The following HSD17B12 variants were observed in gnomAD, a reference collection of about 807,000 sequenced individuals.
HSD17B12 encodes hydroxysteroid 17-beta dehydrogenase 12.
HSD17B12 carries 32 observed loss-of-function variants against 39.3 expected under a neutral mutation model. That is an observed-to-expected ratio of 0.81 (90% CI 0.61 to 1.09). The LOEUF is 1.09. Ranked by LOEUF, HSD17B12 falls within the 50% of genes least tolerant of loss-of-function variation. The pLI is 0.00. For synonymous variants in HSD17B12, 150 were observed against 146.7 expected (o/e 1.02, Z -0.16); for missense variants, 342 against 382.9 (o/e 0.89, Z 0.89).
intron 3 of HSD17B12, among the ~76,000 whole-genome samples, chr11:43,770,703 C>G (rs1021442625): frequency 1.3e-5 from 2 of 152,184 alleles, no homozygotes; most frequent in African/African-American, 2.4e-5. Flanking sequence ...TCACTGCGCT[C>G]CAGCCTGGGT....
chr11:43,714,243 T>C (rs1005757684), intron 1 of HSD17B12, among the ~76,000 whole-genome samples: 6 of 152,246 alleles, frequency 3.9e-5, no homozygotes, highest in Non-Finnish European at 5.9e-5. Context: ...CTTCTAGGGT[T>C]TTTATAGTTT....
At chr11:43,839,656 G>T (rs1951405741) in intron 8 of HSD17B12, among the ~76,000 whole-genome samples, 1 of 152,026 alleles carries the variant, frequency 6.6e-6, no homozygotes, top group African/African-American at 2.4e-5. Flanking sequence ...TATTTGAGTG[G>T]CAAGTGGAGA....
chr11:43,647,198 T>A, the HSD17B12 span, among the ~76,000 whole-genome samples: 3 of 151,962 alleles, frequency 2.0e-5, no homozygotes, highest in East Asian at 5.8e-4. Context: ...ACAGAGTGTA[T>A]CTGTTTGGGG....
chr11:43,568,543 T>C, the HSD17B12 span, among the ~76,000 whole-genome samples: 2 of 152,200 alleles, frequency 1.3e-5, no homozygotes, highest in Non-Finnish European at 2.9e-5. Flanking sequence ...AGAGTTTCCA[T>C]GACAGAAGTG....
chr11:43,629,892 ATG>A, the HSD17B12 span, among the ~76,000 whole-genome samples: 1 of 152,218 alleles, frequency 6.6e-6, no homozygotes, highest in East Asian at 1.9e-4. Context: ...TCCAAACAAC[ATG>A]TGTTTGTTTC....
At chr11:43,734,470 G>T in intron 1 of HSD17B12, 2 of 675,462 alleles carry the variant, frequency 3.0e-6, no homozygotes, top group Non-Finnish European at 5.4e-6. Context: ...AGCTGTGTAA[G>T]CTGGAAGTCG....
the HSD17B12 span, among the ~76,000 whole-genome samples, chr11:43,595,164 A>G: frequency 6.6e-6 from 1 of 152,238 alleles, no homozygotes; most frequent in Non-Finnish European, 1.5e-5. Context: ...GAAGAGTCAA[A>G]GGGCTCCATG....
the HSD17B12 span, among the ~76,000 whole-genome samples, chr11:43,657,228 G>A: frequency 6.6e-6 from 1 of 152,122 alleles, no homozygotes; most frequent in Non-Finnish European, 1.5e-5. Context: ...TGCAACCCCT[G>A]CCTTTTTTTG....
chr11:43,776,732 G>T (rs1950708627), intron 3 of HSD17B12, among the ~76,000 whole-genome samples: 1 of 152,152 alleles, frequency 6.6e-6, no homozygotes, highest in Admixed American at 6.5e-5. Flanking sequence ...GGTTTTTACG[G>T]TTTTAGGTCT....
At chr11:43,574,758 A>G in the HSD17B12 span, among the ~76,000 whole-genome samples, 1 of 152,182 alleles carries the variant, frequency 6.6e-6, no homozygotes, top group African/African-American at 2.4e-5. Flanking sequence ...CATTATTTTA[A>G]GCAGAAAAAA....
chr11:43,826,784 T>C (rs1951246309), intron 6 of HSD17B12, among the ~76,000 whole-genome samples: 1 of 152,230 alleles, frequency 6.6e-6, no homozygotes, highest in Admixed American at 6.5e-5. Flanking sequence ...TGTTCTTTTT[T>C]ACCGCGGTGC....
At chr11:43,609,123 T>A in the HSD17B12 span, among the ~76,000 whole-genome samples, 1 of 151,566 alleles carries the variant, frequency 6.6e-6, no homozygotes, top group African/African-American at 2.4e-5. Context: ...TGTTTTTTGT[T>A]AGGACCAATT....
At chr11:43,755,938 G>A (rs1259461314) in intron 3 of HSD17B12, among the ~76,000 whole-genome samples, 1 of 152,190 alleles carries the variant, frequency 6.6e-6, no homozygotes, top group Admixed American at 6.5e-5. Context: ...CATGGCGGAA[G>A]GTGAAAGGCA....
the HSD17B12 span, chr11:43,569,197 A>T: frequency 6.6e-6 from 1 of 152,164 alleles, no homozygotes; most frequent in Non-Finnish European, 1.5e-5. Flanking sequence ...ACACAGTGGG[A>T]CAGTGGCTAC....
intron 9 of HSD17B12, among the ~76,000 whole-genome samples, chr11:43,851,601 G>C (rs1192702373): frequency 1.3e-5 from 2 of 151,970 alleles, no homozygotes; most frequent in Non-Finnish European, 1.5e-5. Flanking sequence ...TCAACTTCTT[G>C]GTGTAATTAA....
chr11:43,827,768 A>C (rs1951259801), intron 6 of HSD17B12, among the ~76,000 whole-genome samples: 1 of 152,192 alleles, frequency 6.6e-6, no homozygotes, highest in South Asian at 2.1e-4. Context: ...TATAAGCGAA[A>C]TAAGCCTCTT....
chr11:43,657,412 G>T, the HSD17B12 span, among the ~76,000 whole-genome samples: 1 of 152,148 alleles, frequency 6.6e-6, no homozygotes, highest in African/African-American at 2.4e-5. Context: ...TTTAAGGTTA[G>T]TATTGTTATG....
At chr11:43,633,989 G>T in the HSD17B12 span, among the ~76,000 whole-genome samples, 2 of 143,070 alleles carry the variant, frequency 1.4e-5, no homozygotes, top group African/African-American at 2.6e-5. Flanking sequence ...CAGGAGACTC[G>T]CTTGAACCCG....
intron 3 of HSD17B12, among the ~76,000 whole-genome samples, chr11:43,794,109 C>T (rs1950894559): frequency 6.6e-6 from 1 of 152,150 alleles, no homozygotes; most frequent in African/African-American, 2.4e-5. Flanking sequence ...TTGGCCAAGA[C>T]CATCTGATAA....
Sources: gnomAD v4.1 joint callset for allele counts (sites outside exome capture counted in the v4.1 genomes callset) on GRCh38, gnomAD v4.1.1 for gene constraint, MANE v1.5 for transcripts, NCBI Gene and HGNC (gene_info 2026-07-23, HGNC 2026-07-21) for gene names.